The following SOX6 variants were observed in gnomAD, a reference collection of about 807,000 sequenced individuals.
SOX6 encodes transcription factor SOX-6.
A neutral mutation model predicts 97.8 loss-of-function variants in SOX6; 11 were observed. The ratio of observed to expected loss-of-function variants is 0.11; its 90% CI spans 0.07 to 0.19. The LOEUF (loss-of-function observed/expected upper bound fraction) is 0.19, where lower values mean the gene tolerates loss of function less well. Among genes scored for constraint, SOX6 ranks in the 10% least tolerant of loss-of-function variants. The pLI is 1.00. For missense variants in SOX6, 810 were observed against 1,039.5 expected (o/e 0.78, Z 3.04); for synonymous variants, 360 against 371.4 (o/e 0.97, Z 0.35).
chr11:16,198,822 C>A (rs1851859043), intron 4 of SOX6, among the ~76,000 whole-genome samples: 1 of 152,190 alleles, frequency 6.6e-6, no homozygotes, highest in South Asian at 2.1e-4. Flanking sequence ...ACTCTCTTTG[C>A]TCCCTACCCA....
chr11:16,325,977 C>T (rs722747), intron 2 of SOX6, among the ~76,000 whole-genome samples: 22,823 of 152,124 alleles, frequency 0.15, 1,877 homozygotes, highest in Middle Eastern at 0.2. Context: ...CACCAGACAC[C>T]AGACACCAAA....
rs1230800536 is a variant in SOX6 at position 15,989,168 on chromosome 11, C to T, written c.1795G>A (p.Gly599Ser). Residue 599 changes from glycine (G) to serine (S), a missense_variant, in exon 14 of 16, where the codon GGT becomes AGT. Physicochemically the swap from Gly to Ser is moderately conservative, Grantham distance 56. Coordinates refer to ENST00000683767, the MANE Select transcript of SOX6 (RefSeq NM_001367873.1). ...LQQYYCWPTG[G>S]ATVAEARVYR... ...ACTCGTGCTTCAGCCACAGTGGCACCTCCTGTTGGCCAACAATAATACTGC... is the reference window on the plus strand; with the variant it reads ...ACTCGTGCTTCAGCCACAGTGGCACTTCCTGTTGGCCAACAATAATACTGC... 1 of 1,613,982 alleles carries T rather than the reference C, an allele frequency of 6.2e-7. No individual in the cohort carries two copies. Among genetic ancestry groups the T allele is most frequent in the Non-Finnish European group, 8.5e-7 (1 of 1,179,976 alleles).
At chr11:16,727,754 AC>A (rs1848318392) in intron 2 of SOX6, among the ~76,000 whole-genome samples, 1 of 152,022 alleles carries the variant, frequency 6.6e-6, no homozygotes, top group Non-Finnish European at 1.5e-5. Flanking sequence ...TACTTTTATA[AC>A]CGACAAGAAC....
chr11:16,654,405 C>T (rs547854379), intron 3 of SOX6, among the ~76,000 whole-genome samples: 30 of 152,234 alleles, frequency 2.0e-4, no homozygotes, highest in African/African-American at 7.0e-4. Flanking sequence ...CTCCTGGGCT[C>T]AACCAATACT....
At chr11:16,063,496 TTATATATATATATATATATATA>T (rs66968164) in intron 9 of SOX6, among the ~76,000 whole-genome samples, 2,044 of 35,666 alleles carry the variant, frequency 0.057, 107 homozygotes, top group South Asian at 0.15. Flanking sequence ...TACCATAATT[TTATATATATATATATATATATA>T]TATATATATA....
rs149403444 is a variant in SOX6 at position 16,430,970 on chromosome 11, T to C, written c.-5+45345A>G. 5.3e-4 allele frequency among the ~76,000 whole-genome samples: 81 copies of C among 152,316 alleles called. 1 individual carries two copies. Among genetic ancestry groups the C allele is most frequent in the East Asian group, 3.5e-3 (18 of 5,188 alleles). On this transcript the variant is annotated intron_variant, in intron 1 of 15. Coordinates refer to the SOX6 transcript ENST00000396356. The stretch of plus-strand genomic sequence containing the variant: ...ATGGTTTAAATTATGCCTGTCCTCA[T>C]TGATCACATCACACAGCTATTGTGG...
intron 11 of SOX6, among the ~76,000 whole-genome samples, chr11:16,049,290 T>A (rs992115453): frequency 6.6e-6 from 1 of 152,160 alleles, no homozygotes; most frequent in Non-Finnish European, 1.5e-5. Flanking sequence ...TTCCTACATA[T>A]CAATAGTATT....
intron 4 of SOX6, among the ~76,000 whole-genome samples, chr11:16,536,282 A>G (rs1433537113): frequency 6.6e-6 from 1 of 152,238 alleles, no homozygotes. Context: ...CAATAATAGT[A>G]TGATGGTTAT....
At chr11:16,085,146 C>T (rs1303762361) in intron 9 of SOX6, among the ~76,000 whole-genome samples, 5 of 151,968 alleles carry the variant, frequency 3.3e-5, no homozygotes, top group Non-Finnish European at 7.4e-5. Flanking sequence ...GGAACAAACC[C>T]CTATTTGGCC....
chr11:16,476,885 C>A (rs1248226195), upstream of SOX6, among the ~76,000 whole-genome samples: 1 of 152,178 alleles, frequency 6.6e-6, no homozygotes, highest in Non-Finnish European at 1.5e-5. Flanking sequence ...ACAATGCATT[C>A]TGTATAAGCC....
chr11:16,094,451 G>A (rs1354739203), intron 9 of SOX6, among the ~76,000 whole-genome samples: 2 of 151,872 alleles, frequency 1.3e-5, no homozygotes, highest in Non-Finnish European at 2.9e-5. Context: ...AAGTCCAACA[G>A]GAAAGTCCAA....
At chr11:16,350,379 A>G (rs1259419521) in intron 1 of SOX6, among the ~76,000 whole-genome samples, 3 of 152,206 alleles carry the variant, frequency 2.0e-5, no homozygotes, top group African/African-American at 7.2e-5. Context: ...TAAACTTAAC[A>G]TCATTAAGAG....
At chr11:16,482,996 T>C (rs1860369603) in intron 4 of SOX6, among the ~76,000 whole-genome samples, 1 of 152,198 alleles carries the variant, frequency 6.6e-6, no homozygotes, top group Non-Finnish European at 1.5e-5. Context: ...CCAAAATTGC[T>C]ATGCATCCTC....
chr11:16,491,578 A>T (rs1860511359), intron 4 of SOX6, among the ~76,000 whole-genome samples: 1 of 152,074 alleles, frequency 6.6e-6, no homozygotes, highest in Non-Finnish European at 1.5e-5. Flanking sequence ...AATTCATATG[A>T]AAATCCAAAC....
intron 4 of SOX6, among the ~76,000 whole-genome samples, chr11:16,497,648 G>A (rs36167657): frequency 0.17 from 26,206 of 152,154 alleles, 2,300 homozygotes; most frequent in African/African-American, 0.19. Flanking sequence ...GAAAACCACG[G>A]CATGAGAACT....
intron 4 of SOX6, among the ~76,000 whole-genome samples, chr11:16,606,650 A>T (rs984015263): frequency 1.3e-5 from 2 of 152,186 alleles, no homozygotes; most frequent in Admixed American, 6.5e-5. Flanking sequence ...GCGGAGGTGG[A>T]GGAGTGAGGT....
chr11:16,055,822 G>A lies in SOX6; in HGVS notation c.1181C>T (p.Thr394Ile), dbSNP rs1847800674. The A allele has an allele frequency of 1.9e-6, 3 of 1,613,708 alleles. No individual in the cohort carries two copies. Among genetic ancestry groups the A allele is most frequent in the Non-Finnish European group, 2.5e-6 (3 of 1,179,864 alleles). Reference sequence around the variant, plus strand: ...CCCAGTAGGTGAGACCGTCCCTGCTGTGTTTGGTGGCTGTGGAGTTGATGG... The same window carrying A: ...CCCAGTAGGTGAGACCGTCCCTGCTATGTTTGGTGGCTGTGGAGTTGATGG... ...KMPSTPQPPN[T>I]AGTVSPTGIK... Residue 394 changes from threonine (T) to isoleucine (I), a missense_variant, in exon 10 of 16, where the codon ACA becomes ATA. Thr to Ile is a moderately conservative substitution (Grantham distance 89). This residue lies in a region of SOX6 where 244 missense variants were observed against 261.0 expected (regional missense o/e 0.93). Coordinates refer to ENST00000683767, the MANE Select transcript of SOX6 (RefSeq NM_001367873.1).
At chr11:16,581,960 C>CA (rs35137027) in intron 4 of SOX6, among the ~76,000 whole-genome samples, 2,391 of 106,364 alleles carry the variant, frequency 0.022, 29 homozygotes, top group Non-Finnish European at 0.032. Flanking sequence ...GACTCCATCT[C>CA]AAAAAAAAAA....
intron 15 of SOX6, among the ~76,000 whole-genome samples, chr11:15,978,909 T>C (rs1057055972): frequency 7.2e-6 from 1 of 138,608 alleles, no homozygotes; most frequent in African/African-American, 2.6e-5. Context: ...ATATAATATA[T>C]ATAAGCATTA....
Sources: allele counts gnomAD v4.1 joint callset (sites outside exome capture counted in the v4.1 genomes callset), GRCh38; gene constraint gnomAD v4.1.1; regional missense constraint gnomAD v4.1.1; transcripts MANE v1.5; gene names NCBI Gene and HGNC (gene_info 2026-07-23, HGNC 2026-07-21).